PTCH2: variants seen among roughly 807,000 people sequenced by gnomAD.
PTCH2 encodes patched 2, also known as protein patched homolog 2.
A neutral mutation model predicts 117.9 loss-of-function variants in PTCH2; 96 were observed. That is an observed-to-expected ratio of 0.81 (90% CI 0.69 to 0.96). PTCH2 has a LOEUF of 0.96. Ranked by LOEUF, PTCH2 falls within the 50% of genes least tolerant of loss-of-function variation. PTCH2 has a pLI of 0.00. For missense variants in PTCH2, 1,379 were observed against 1,562.5 expected (o/e 0.88, Z 1.98); for synonymous variants, 615 against 660.9 (o/e 0.93, Z 1.06).
In PTCH2 at chr1:44,826,704, A is replaced by G. The variant is rs1653163946; in HGVS notation, c.2760T>C (p.Thr920=). 1 of 1,599,228 alleles carries G rather than the reference A, an allele frequency of 6.3e-7. No homozygotes were observed. The highest frequency in any genetic ancestry group is 1.3e-5 in the African/African-American group (1 of 74,516). The change falls in exon 18 of 22, where the codon ACT becomes ACC. Residue 920 remains threonine, a synonymous_variant. Coordinates refer to ENST00000372192, the MANE Select transcript of PTCH2 (RefSeq NM_003738.5). This position sits in a 1 kb window ranked among gnomAD's most constrained non-coding sequence, Gnocchi z 5.1. The part of the protein sequence containing the change: ...FPFLLRGLQK[T]ADFVEAIEGA... The stretch of plus-strand genomic sequence containing the variant: ...CCTCGATGGCCTCCACAAAGTCTGC[A>G]GTCTTCTGGAGGCCACGCAGCAGGA...
At chr1:44,820,868 G>A (rs1157752359), downstream of PTCH2, among the ~76,000 whole-genome samples, 2 of 152,002 alleles carry the variant, frequency 1.3e-5, no homozygotes, top group Non-Finnish European at 2.9e-5. Flanking sequence ...AACACTGCTG[G>A]ACCCAAATGC....
In PTCH2 at chr1:44,831,697, G is replaced by A. The variant is rs1374085596; in HGVS notation, c.617+9C>T. On this transcript the variant is annotated intron_variant, in intron 5 of 21. Transcript: ENST00000372192. The surrounding 1 kb of genome is among the most constrained non-coding windows in gnomAD (Gnocchi z 4.3). Reference sequence around the variant, plus strand: ...GGAGATGAAGCAGGGCCCCAGGAGTGGCACTCACGGCAGGTAGGCGGAGCC... The same window carrying A: ...GGAGATGAAGCAGGGCCCCAGGAGTAGCACTCACGGCAGGTAGGCGGAGCC... 1 of 1,552,556 alleles carries A rather than the reference G, an allele frequency of 6.4e-7. No homozygotes were observed. Among genetic ancestry groups the A allele is most frequent in the East Asian group, 2.4e-5 (1 of 41,102 alleles).
Position 44,827,697 on chromosome 1 carries a change from G to C in PTCH2, c.2076C>G (p.Leu692=), listed in dbSNP as rs1573645924. The C allele has an allele frequency of 6.2e-7, 1 of 1,611,594 alleles. No homozygotes were observed. The highest frequency in any genetic ancestry group is 2.2e-5 in the East Asian group (1 of 44,866). The change falls in exon 15 of 22, where the codon CTC becomes CTG. Residue 692 remains leucine, a synonymous_variant. Coordinates refer to ENST00000372192, the MANE Select transcript of PTCH2 (RefSeq NM_003738.5). The part of the protein sequence containing the change: ...QSHAKAIVLV[L]FGALLGLSLY... ...GGCTCAGGCCCAGAAGAGCACCAAA[G>C]AGCACCAGCACGATGGCCTGCGGGA...
At chr1:44,825,844 C>CTTTTT (rs35549385) in intron 19 of PTCH2, among the ~76,000 whole-genome samples, 1 of 118,410 alleles carries the variant, frequency 8.4e-6, no homozygotes, top group Non-Finnish European at 1.8e-5. Flanking sequence ...AGCCCAAATT[C>CTTTTT]TTTTTTTTTT....
In PTCH2 at chr1:44,826,376, C is replaced by T; in HGVS notation, c.2988G>A (p.Leu996=). The change falls in exon 19 of 22, where the codon CTG becomes CTA. Residue 996 remains leucine (L), a synonymous_variant. Transcript: ENST00000372192. The surrounding 1 kb of genome is among the most constrained non-coding windows in gnomAD (Gnocchi z 5.1). ...PWTAGLIVLV[L]AMMTVELFGI... ...CAAAGAGTTCCACTGTCATCATCGC[C>T]AGGACCAGCACCTGAGGGAGACAGG... is the stretch of plus-strand genomic sequence containing the variant. 4 of 1,614,150 alleles carry T rather than the reference C, an allele frequency of 2.5e-6. No individual in the cohort carries two copies. The highest frequency in any genetic ancestry group is 3.4e-6 in the Non-Finnish European group (4 of 1,180,050).
rs2148871829 is a variant in PTCH2 at position 44,823,198 on chromosome 1, C to T, written c.3258-30G>A. On this transcript the variant is annotated intron_variant, in intron 20 of 21. Transcript: ENST00000372192. The surrounding 1 kb of genome is among the most constrained non-coding windows in gnomAD (Gnocchi z 5.1). ...GGGTAGGGTGTGGGGGGAGTCAGCC[C>T]AGGCCTGTCCTGAGCCCTGCCTCCC... is the stretch of plus-strand genomic sequence containing the variant. 6.2e-7 allele frequency: 1 copy of T among 1,614,138 alleles called. No individual in the cohort carries two copies. The highest frequency in any genetic ancestry group is 8.5e-7 in the Non-Finnish European group (1 of 1,180,006).
At chr1:44,834,383 A>G (rs1477398448) in intron 2 of PTCH2, among the ~76,000 whole-genome samples, 3 of 152,092 alleles carry the variant, frequency 2.0e-5, no homozygotes, top group Non-Finnish European at 4.4e-5. Flanking sequence ...TCGGCCTCAC[A>G]AAGTGCTGGG....
In PTCH2 at chr1:44,842,908, C is replaced by A; in HGVS notation, c.25G>T (p.Glu9Ter). MTRSPPLR[E>*]LPPSYTPPAR... ...GGGGGTGTGTAACTCGGGGGCAGCT[C>A]TCTGAGGGGCGGCGATCGAGTCATG... Residue 9 changes from glutamate (E) to a stop codon, truncating the protein, a stop_gained, in exon 1 of 22, where the codon GAG (glutamate) becomes TAG (stop). Coordinates refer to ENST00000372192, the MANE Select transcript of PTCH2 (RefSeq NM_003738.5). LOFTEE classifies it high-confidence loss of function. The A allele has an allele frequency of 6.5e-7, 1 of 1,549,622 alleles. No homozygotes were observed. The highest frequency in any genetic ancestry group is 8.7e-7 in the Non-Finnish European group (1 of 1,146,122).
chr1:44,824,861 C>T (rs959384504), intron 19 of PTCH2, among the ~76,000 whole-genome samples: 7 of 151,878 alleles, frequency 4.6e-5, no homozygotes, highest in African/African-American at 1.7e-4. Context: ...TTATTAGAGA[C>T]GGGGTTTCAC....
At chr1:44,836,857 CAGG>C in intron 2 of PTCH2, among the ~76,000 whole-genome samples, 1 of 152,304 alleles carries the variant, frequency 6.6e-6, no homozygotes, top group East Asian at 1.9e-4. Flanking sequence ...GAGAAAGAGG[CAGG>C]AGTACTGTGT....
intron 21 of PTCH2, 125 bp downstream of exon 21, chr1:44,822,944 T>C: frequency 9.0e-7 from 1 of 1,116,518 alleles, no homozygotes. Context: ...GCTGCCACCT[T>C]CAGCTGGTGG....
At chr1:44,840,503 G>A (rs905305456) in intron 2 of PTCH2, among the ~76,000 whole-genome samples, 4 of 150,766 alleles carry the variant, frequency 2.7e-5, no homozygotes, top group Non-Finnish European at 4.4e-5. Context: ...TTGAAGCCAG[G>A]AGTTCGAGAC....
intron 6 of PTCH2, among the ~76,000 whole-genome samples, 184 bp downstream of exon 6, chr1:44,830,664 G>A (rs1653401621): frequency 6.6e-6 from 1 of 150,858 alleles, no homozygotes; most frequent in African/African-American, 2.5e-5. Context: ...ACCACTTGAG[G>A]GCTCCGTAGG....
rs192962137 is a variant in PTCH2, at chr1:44,821,948, T to C, written c.*467A>G. On this transcript the variant is annotated 3_prime_UTR_variant, in exon 22 of 22. Coordinates refer to ENST00000372192, the MANE Select transcript of PTCH2 (RefSeq NM_003738.5). ...TGAAGTCATCTGAGATTAGTTCACATAGAATATATTTCATTCTTTAAAAAA... is the reference window on the plus strand; with the variant it reads ...TGAAGTCATCTGAGATTAGTTCACACAGAATATATTTCATTCTTTAAAAAA... The C allele has an allele frequency of 1.9e-5, 25 of 1,340,772 alleles. No homozygotes were observed. In the East Asian group the frequency reaches 1.1e-3, roughly 60 times the overall value. The allele number at this position is 1,340,772 out of a possible 1,614,324, so 83.1% of individuals were successfully genotyped here. A position where few individuals can be genotyped will look rare whatever the true frequency, so the allele number is the denominator to read the frequency against.
rs1377218546 is a variant in PTCH2, at chr1:44,826,078, T to C, written c.3114+172A>G. On this transcript the variant is annotated intron_variant, in intron 19 of 21. Transcript: ENST00000372192. This position sits in a 1 kb window ranked among gnomAD's most constrained non-coding sequence, Gnocchi z 5.1. ...CCAGGCTGGTTTCGAACTCCTGACC[T>C]CAGGTGATCCACCTGCCTCGGCCTC... Among the ~76,000 whole-genome samples, 1 of 152,152 alleles carries C rather than the reference T, an allele frequency of 6.6e-6. No individual in the cohort carries two copies. The highest frequency in any genetic ancestry group is 1.5e-5 in the Non-Finnish European group (1 of 68,020).
At chr1:44,835,883 C>A (rs1297369795) in intron 2 of PTCH2, among the ~76,000 whole-genome samples, 2 of 152,110 alleles carry the variant, frequency 1.3e-5, no homozygotes, top group Non-Finnish European at 1.5e-5. Flanking sequence ...GAGGAGCCAG[C>A]GGCAATGCTG....
rs1573637934 is a variant in PTCH2 at position 44,822,288 on chromosome 1, G to A, written c.*127C>T. 6.3e-7 allele frequency: 1 copy of A among 1,585,216 alleles called. No individual in the cohort carries two copies. On this transcript the variant is annotated 3_prime_UTR_variant, in exon 22 of 22. Transcript: ENST00000372192. ...GATATCAGGGAGGCCCATGACAGCT[G>A]GGTCGGGAGAGGGGATGCAGCAGCA...
chr1:44,833,774 T>C (rs1653565338), intron 2 of PTCH2, among the ~76,000 whole-genome samples: 1 of 151,642 alleles, frequency 6.6e-6, no homozygotes, highest in Admixed American at 6.6e-5. Context: ...TTTTTTGCAT[T>C]TTTAGTACAG....
rs914030687 is a variant in PTCH2 at position 44,829,905 on chromosome 1, C to T, written c.935+4G>A. On this transcript the variant is annotated splice_donor_region_variant and intron_variant, in intron 7 of 21. Transcript: ENST00000372192. Reference sequence around the variant, plus strand: ...CCCTCACCAACTCCCAGAGGAGACCCTACCTCAGCAGCTCTCCTTGGGGGT... The same window carrying T: ...CCCTCACCAACTCCCAGAGGAGACCTTACCTCAGCAGCTCTCCTTGGGGGT... 6.2e-7 allele frequency: 1 copy of T among 1,614,078 alleles called. No individual in the cohort carries two copies. The highest frequency in any genetic ancestry group is 8.5e-7 in the Non-Finnish European group (1 of 1,179,940).
Sources: allele counts gnomAD v4.1 joint callset (sites outside exome capture counted in the v4.1 genomes callset), GRCh38; gene constraint gnomAD v4.1.1; non-coding constraint Gnocchi (gnomAD v3.1); transcripts MANE v1.5; gene names NCBI Gene and HGNC (gene_info 2026-07-23, HGNC 2026-07-21).